VPS26C: variants seen among roughly 807,000 people sequenced by gnomAD.
VPS26C encodes the protein vacuolar protein sorting-associated protein 26C.
A neutral mutation model predicts 30.6 loss-of-function variants in VPS26C; 19 were observed. That is an observed-to-expected ratio of 0.62 (90% CI 0.43 to 0.91). The LOEUF is 0.91. Ranked by LOEUF, VPS26C falls within the 40% of genes least tolerant of loss-of-function variation. VPS26C has a pLI of 0.00. For missense variants in VPS26C, 318 were observed against 385.1 expected (o/e 0.83, Z 1.46); for synonymous variants, 132 against 151.5 (o/e 0.87, Z 0.95).
chr21:37,239,180 A>G (rs2086057333), intron 2 of VPS26C, among the ~76,000 whole-genome samples: 1 of 152,238 alleles, frequency 6.6e-6, no homozygotes, highest in Admixed American at 6.5e-5. Context: ...CCTGCCTTCA[A>G]GGCACGTATT....
intron 6 of VPS26C, 132 bp from the exon 7 acceptor site, chr21:37,227,938 C>T (rs966700663): frequency 2.6e-5 from 32 of 1,217,248 alleles, no homozygotes; most frequent in African/African-American, 6.0e-5. Context: ...CTTAGACACG[C>T]GGCTACTGCT....
In VPS26C at chr21:37,223,631, A is replaced by G. The variant is rs2085870495; in HGVS notation, c.*1913T>C. ...AAGGATAGATAATTAATGTCAGGTGAGCATAAAAGGAGATTATAAACCAGA... is the reference window on the plus strand; with the variant it reads ...AAGGATAGATAATTAATGTCAGGTGGGCATAAAAGGAGATTATAAACCAGA... On this transcript the variant is annotated 3_prime_UTR_variant, in exon 8 of 8. Transcript: ENST00000309117. 6.6e-6 allele frequency: 1 copy of G among 152,246 alleles called. No individual in the cohort carries two copies. The allele number at this position is 152,246 out of a possible 1,614,324, so 9.4% of individuals were successfully genotyped here.
intron 1 of VPS26C, among the ~76,000 whole-genome samples, chr21:37,244,677 G>A (rs1046495425): frequency 6.6e-6 from 1 of 152,170 alleles, no homozygotes; most frequent in African/African-American, 2.4e-5. Flanking sequence ...TTGGCTTCCT[G>A]GAAATCACCC....
chr21:37,256,648 A>G (rs2086246387), intron 1 of VPS26C, among the ~76,000 whole-genome samples: 1 of 152,310 alleles, frequency 6.6e-6, no homozygotes, highest in East Asian at 1.9e-4. Flanking sequence ...CCAACAAGTG[A>G]CGGCACAAGC....
At chr21:37,261,579 T>C (rs2086304080) in intron 1 of VPS26C, 1 of 152,040 alleles carries the variant, frequency 6.6e-6, no homozygotes, top group African/African-American at 2.4e-5. Flanking sequence ...AATTAGGAAT[T>C]TTTGTAAGGC....
At position 37,233,763 on chromosome 21, in the gene VPS26C, G is replaced by A. The variant is rs2085991340; in HGVS notation, c.352-321C>T. On this transcript the variant is annotated intron_variant, in intron 3 of 7. Transcript: ENST00000309117. The surrounding 1 kb of genome is among the most constrained non-coding windows in gnomAD (Gnocchi z 5.2). Reference sequence around the variant, plus strand: ...GCAGGCTGGCGAGACAGAAAGGGCAGTGCGCTCAGGAGCAGACGCCAGGCC... The same window carrying A: ...GCAGGCTGGCGAGACAGAAAGGGCAATGCGCTCAGGAGCAGACGCCAGGCC... 6.6e-6 allele frequency among the ~76,000 whole-genome samples: 1 copy of A among 152,222 alleles called. No individual in the cohort carries two copies. The highest frequency in any genetic ancestry group is 1.5e-5 in the Non-Finnish European group (1 of 68,040).
rs746702848 is a variant in VPS26C, at chr21:37,227,717, T to C, written c.748A>G (p.Ile250Val). The change falls in exon 7 of 8, where the codon ATC (isoleucine) becomes GTC (valine). Residue 250 changes from isoleucine to valine, a missense_variant. By Grantham distance (29) the Ile-to-Val change is conservative. Coordinates refer to ENST00000309117, the MANE Select transcript of VPS26C (RefSeq NM_006052.2). ...AACAGCCTAGGGAAGACCATGTAGA[T>C]GGGGACAGAGAGGCCCCTGCACACA... ...GDVCRGLSVP[I>V]YMVFPRLFTC... 6.2e-7 allele frequency: 1 copy of C among 1,614,160 alleles called. No individual in the cohort carries two copies. The highest frequency in any genetic ancestry group is 2.2e-5 in the East Asian group (1 of 44,862).
intron 1 of VPS26C, among the ~76,000 whole-genome samples, chr21:37,245,713 T>C (rs2086131492): frequency 6.6e-6 from 1 of 152,142 alleles, no homozygotes; most frequent in South Asian, 2.1e-4. Context: ...TAAACGATCA[T>C]TCACCAGAAG....
intron 3 of VPS26C, among the ~76,000 whole-genome samples, chr21:37,234,184 C>T (rs2085995912): frequency 6.6e-6 from 1 of 152,230 alleles, no homozygotes; most frequent in African/African-American, 2.4e-5. Flanking sequence ...CCAACTTCCA[C>T]AAGGGTCAAC....
chr21:37,253,205 G>A (rs1333102756), intron 1 of VPS26C, among the ~76,000 whole-genome samples: 1 of 152,178 alleles, frequency 6.6e-6, no homozygotes, highest in African/African-American at 2.4e-5. Context: ...TTACATACAT[G>A]TGCTGCCAAT....
chr21:37,250,597 A>C (rs2086182250), intron 1 of VPS26C, among the ~76,000 whole-genome samples: 1 of 143,648 alleles, frequency 7.0e-6, no homozygotes, highest in South Asian at 2.3e-4. Context: ...ATATTTTAAG[A>C]ATGCCTAAAA....
chr21:37,232,833 AGAGAG>A (rs2085979958), intron 4 of VPS26C, among the ~76,000 whole-genome samples: 1 of 152,240 alleles, frequency 6.6e-6, no homozygotes, highest in Non-Finnish European at 1.5e-5. Flanking sequence ...CAAGCGGGGC[AGAGAG>A]CTCAGTGGCC....
At chr21:37,258,351 G>A (rs911395274) in intron 1 of VPS26C, among the ~76,000 whole-genome samples, 1 of 133,280 alleles carries the variant, frequency 7.5e-6, no homozygotes, top group Non-Finnish European at 1.7e-5. Flanking sequence ...CGACACAGCC[G>A]CAACCCCTCT....
chr21:37,242,464 G>A (rs751287638), intron 1 of VPS26C, among the ~76,000 whole-genome samples: 11 of 152,188 alleles, frequency 7.2e-5, no homozygotes, highest in South Asian at 2.1e-4. Context: ...TTAGCCAGGC[G>A]TGGTGGTGTG....
intron 1 of VPS26C, among the ~76,000 whole-genome samples, chr21:37,245,225 C>T (rs951287313): frequency 5.5e-4 from 84 of 152,180 alleles, no homozygotes; most frequent in Admixed American, 3.9e-4. Context: ...CAGATGAATG[C>T]GAAAGCCAGG....
intron 1 of VPS26C, among the ~76,000 whole-genome samples, chr21:37,263,537 T>C (rs2086326793): frequency 6.6e-6 from 1 of 152,192 alleles, no homozygotes; most frequent in South Asian, 2.1e-4. Context: ...TTCATCAACT[T>C]GTCTAAGCCA....
At chr21:37,238,672 A>T in intron 2 of VPS26C, 63 bp from the exon 3 acceptor site, 2 of 1,582,774 alleles carry the variant, frequency 1.3e-6, no homozygotes, top group Non-Finnish European at 1.7e-6. Flanking sequence ...CCAATTACTA[A>T]TAACGTTCTG....
upstream of VPS26C, chr21:37,267,489 G>A (rs1022662079): frequency 2.0e-5 from 12 of 601,382 alleles, no homozygotes; most frequent in Non-Finnish European, 2.4e-5. Flanking sequence ...TCCGGCACAA[G>A]AGCCGGCCTT....
rs1374136623 is a variant in VPS26C, at chr21:37,232,527, A to C, written c.433-76T>G. ...CAGGTCAAATAGCTTTTCCCTTTCAAAAATAAACCAACGGCAGCCTGGCGA... is the reference window on the plus strand; with the variant it reads ...CAGGTCAAATAGCTTTTCCCTTTCACAAATAAACCAACGGCAGCCTGGCGA... On this transcript the variant is annotated intron_variant, in intron 4 of 7. Transcript: ENST00000309117. 8.5e-6 allele frequency: 11 copies of C among 1,286,858 alleles called. No individual in the cohort carries two copies. The African/African-American group carries it at 8.7e-5, about 10-fold the overall frequency. The allele number at this position is 1,286,858 out of a possible 1,614,324, so 79.7% of individuals were successfully genotyped here.
Sources: allele counts gnomAD v4.1 joint callset (sites outside exome capture counted in the v4.1 genomes callset), GRCh38; gene constraint gnomAD v4.1.1; non-coding constraint Gnocchi (gnomAD v3.1); transcripts MANE v1.5; gene names NCBI Gene and HGNC (gene_info 2026-07-23, HGNC 2026-07-21).